Variants in TRERF1 observed in about 807,000 individuals in gnomAD.
The protein encoded by TRERF1 is transcriptional-regulating factor 1.
Under a neutral mutation model 122.9 loss-of-function variants are expected in TRERF1, and 27 were observed. The ratio of observed to expected loss-of-function variants is 0.22; its 90% confidence interval spans 0.16 to 0.30. The LOEUF (loss-of-function observed/expected upper bound fraction) is 0.30, where lower values mean the gene tolerates loss of function less well. Ranked by LOEUF, TRERF1 falls within the 10% of genes least tolerant of loss-of-function variation. The probability of loss-of-function intolerance (pLI) is 1.00; values close to 1 mark genes in which losing one functional copy is unlikely to be tolerated. For missense variants in TRERF1, 1,248 were observed against 1,560.3 expected, an observed-to-expected ratio of 0.80 and a Z score of 3.37; for synonymous variants, 636 against 641.7, an observed-to-expected ratio of 0.99 and a Z score of 0.13.
intron 2 of TRERF1, among the ~76,000 whole-genome samples, chr6:42,407,782 C>A (rs1394729795): frequency 1.3e-5 from 2 of 151,742 alleles, no homozygotes; most frequent in Non-Finnish European, 2.9e-5. Flanking sequence ...AAAACCTAAT[C>A]AAAAGTACAT....
intron 13 of TRERF1, among the ~76,000 whole-genome samples, chr6:42,248,463 T>C (rs1775187425): frequency 6.6e-6 from 1 of 152,042 alleles, no homozygotes; most frequent in Non-Finnish European, 1.5e-5. Flanking sequence ...AGTGATTGTC[T>C]TGCCTCAGCC....
At chr6:42,431,741 A>G (rs1784533886) in intron 2 of TRERF1, among the ~76,000 whole-genome samples, 1 of 150,334 alleles carries the variant, frequency 6.7e-6, no homozygotes, top group South Asian at 2.2e-4. Flanking sequence ...CAACCCCACA[A>G]TAGATACAAT....
intron 15 of TRERF1, among the ~76,000 whole-genome samples, chr6:42,240,535 C>T (rs1773447434): frequency 6.6e-6 from 1 of 152,240 alleles, no homozygotes; most frequent in Non-Finnish European, 1.5e-5. Context: ...GTCTCTTCTA[C>T]TCATTTGGAA....
intron 3 of TRERF1, among the ~76,000 whole-genome samples, chr6:42,331,139 G>C (rs1236728841): frequency 1.3e-5 from 2 of 152,224 alleles, no homozygotes; most frequent in Non-Finnish European, 2.9e-5. Context: ...TTGAAAGCAT[G>C]TCTTTATCTC....
chr6:42,323,556 A>G (rs530051765), intron 3 of TRERF1, among the ~76,000 whole-genome samples: 1 of 152,220 alleles, frequency 6.6e-6, no homozygotes, highest in African/African-American at 2.4e-5. Flanking sequence ...CCTGCATTCT[A>G]TCATGGGAGA....
At chr6:42,288,574 C>CAAA (rs3074797) in intron 4 of TRERF1, among the ~76,000 whole-genome samples, 32 of 86,526 alleles carry the variant, frequency 3.7e-4, no homozygotes, top group East Asian at 2.6e-3. Context: ...ATCTCAAAAC[C>CAAA]AAAAAAAAAA....
intron 3 of TRERF1, among the ~76,000 whole-genome samples, chr6:42,349,813 C>G (rs538906806): frequency 6.6e-6 from 1 of 152,194 alleles, no homozygotes; most frequent in East Asian, 1.9e-4. Flanking sequence ...CCGAAGAGCC[C>G]AGAGGAACAA....
intron 6 of TRERF1, among the ~76,000 whole-genome samples, chr6:42,265,337 T>C (rs1268775363): frequency 6.6e-6 from 1 of 152,232 alleles, no homozygotes; most frequent in African/African-American, 2.4e-5. Flanking sequence ...TGCTGCATTC[T>C]CAAAACCTAG....
At chr6:42,234,923 A>G (rs1382766735) in intron 16 of TRERF1, among the ~76,000 whole-genome samples, 1 of 152,208 alleles carries the variant, frequency 6.6e-6, no homozygotes, top group African/African-American at 2.4e-5. Flanking sequence ...TTTCTGAACA[A>G]ATTCACCAAG....
chr6:42,308,568 C>T (rs1248153302), intron 3 of TRERF1, among the ~76,000 whole-genome samples: 1 of 152,136 alleles, frequency 6.6e-6, no homozygotes, highest in Non-Finnish European at 1.5e-5. Context: ...GCAGGAAACG[C>T]CAATGACTTG....
chr6:42,255,749 A>G (rs778397777), intron 12 of TRERF1, among the ~76,000 whole-genome samples: 3 of 152,224 alleles, frequency 2.0e-5, no homozygotes, highest in Non-Finnish European at 4.4e-5. Flanking sequence ...TCACATTTTC[A>G]TAAAATCAAA....
At chr6:42,235,135 G>A (rs1476339965) in intron 16 of TRERF1, among the ~76,000 whole-genome samples, 1 of 150,920 alleles carries the variant, frequency 6.6e-6, no homozygotes, top group East Asian at 1.9e-4. Context: ...ATGAATTTCT[G>A]CTTTAGGATC....
At chr6:42,312,123 G>A (rs1181772225) in intron 3 of TRERF1, among the ~76,000 whole-genome samples, 2 of 152,118 alleles carry the variant, frequency 1.3e-5, no homozygotes, top group African/African-American at 2.4e-5. Flanking sequence ...TGTGTGGTTG[G>A]ATAGAAGACA....
At chr6:42,432,835 T>A (rs1293903703) in intron 2 of TRERF1, among the ~76,000 whole-genome samples, 80 of 103,594 alleles carry the variant, frequency 7.7e-4, no homozygotes, top group Middle Eastern at 4.5e-3. Context: ...AAAGTGAGAC[T>A]CTGTCTCAAA....
At chr6:42,418,083 C>T (rs1383658072) in intron 2 of TRERF1, among the ~76,000 whole-genome samples, 2 of 152,148 alleles carry the variant, frequency 1.3e-5, no homozygotes, top group Non-Finnish European at 2.9e-5. Context: ...ACTTCTCAAA[C>T]TTGACGTGCA....
At chr6:42,412,081 A>G (rs1282966368) in intron 2 of TRERF1, among the ~76,000 whole-genome samples, 1 of 149,790 alleles carries the variant, frequency 6.7e-6, no homozygotes, top group Non-Finnish European at 1.5e-5. Flanking sequence ...GCTCACCACA[A>G]ACTCCGCCTC....
At chr6:42,290,164 C>G (rs1320433654) in intron 4 of TRERF1, among the ~76,000 whole-genome samples, 1 of 152,192 alleles carries the variant, frequency 6.6e-6, no homozygotes, top group Non-Finnish European at 1.5e-5. Context: ...GGGGTCATGT[C>G]TTCCTCACAC....
rs199929657 is a variant in TRERF1, at chr6:42,378,961, T to TA, written c.-453-15883dup. ...TAAGACACTGTCTCTACTAAAAATT[T>TA]AAAAAAAAATAGGCAGGCATGGTGG... On this transcript the variant is annotated intron_variant, in intron 2 of 17. Coordinates refer to ENST00000372922, the Ensembl canonical transcript of TRERF1. Among the ~76,000 whole-genome samples, 836 of 150,540 alleles carry TA rather than the reference T, an allele frequency of 5.6e-3. 6 individuals carry two copies. Among genetic ancestry groups the TA allele is most frequent in the African/African-American group, 0.019 (766 of 40,978 alleles).
At chr6:42,318,197 T>C (rs1762824053) in intron 3 of TRERF1, among the ~76,000 whole-genome samples, 1 of 152,066 alleles carries the variant, frequency 6.6e-6, no homozygotes, top group Non-Finnish European at 1.5e-5. Flanking sequence ...TTTTAACCAT[T>C]GAATAATAAT....
Sources: gnomAD v4.1 joint callset for allele counts (sites outside exome capture counted in the v4.1 genomes callset) on GRCh38, gnomAD v4.1.1 for gene constraint, MANE v1.5 for transcripts, NCBI Gene and HGNC (gene_info 2026-07-23, HGNC 2026-07-21) for gene names.